PTPRN2: variants seen among roughly 807,000 people sequenced by gnomAD.
PTPRN2 encodes the protein receptor-type tyrosine-protein phosphatase N2.
PTPRN2 carries 74 observed loss-of-function variants against 118.8 expected under a neutral mutation model. The observed-to-expected ratio is 0.62, with a 90% confidence interval of 0.52 to 0.76. PTPRN2 has a LOEUF of 0.76. Ranked by LOEUF, PTPRN2 falls within the 30% of genes least tolerant of loss-of-function variation. The probability of loss-of-function intolerance (pLI) is 0.00; values close to 1 mark genes in which losing one functional copy is unlikely to be tolerated. For missense variants in PTPRN2, 1,481 were observed against 1,394.4 expected, an observed-to-expected ratio of 1.06 and a Z score of -0.99; for synonymous variants, 641 against 608.0, an observed-to-expected ratio of 1.05 and a Z score of -0.80.
intron 9 of PTPRN2, among the ~76,000 whole-genome samples, chr7:158,113,161 C>T (rs1816435049): frequency 6.6e-6 from 1 of 152,124 alleles, no homozygotes; most frequent in Non-Finnish European, 1.5e-5. Context: ...AGGGCCGGGC[C>T]TCAGATTGGT....
At chr7:158,511,505 G>A (rs927429954) in intron 1 of PTPRN2, among the ~76,000 whole-genome samples, 1 of 152,154 alleles carries the variant, frequency 6.6e-6, no homozygotes, top group Non-Finnish European at 1.5e-5. Context: ...GTCCCAACAC[G>A]AAAAAGGAGG....
At chr7:157,946,441 T>A (rs1310760482) in intron 11 of PTPRN2, among the ~76,000 whole-genome samples, 1 of 152,222 alleles carries the variant, frequency 6.6e-6, no homozygotes, top group African/African-American at 2.4e-5. Flanking sequence ...CCTATTTTTG[T>A]CCCAAAATAA....
intron 15 of PTPRN2, chr7:157,614,124 C>T (rs765789536): frequency 1.2e-5 from 5 of 404,240 alleles, no homozygotes; most frequent in East Asian, 7.8e-5. Flanking sequence ...AAAAGGAGGA[C>T]GGAGAGGAGG....
At chr7:158,444,624 G>C (rs977706336) in intron 2 of PTPRN2, among the ~76,000 whole-genome samples, 1 of 152,206 alleles carries the variant, frequency 6.6e-6, no homozygotes, top group Non-Finnish European at 1.5e-5. Flanking sequence ...TGAAAAGCAA[G>C]TGAAAGCCTC....
At chr7:158,200,474 G>T (rs1262055124) in intron 4 of PTPRN2, among the ~76,000 whole-genome samples, 1 of 152,108 alleles carries the variant, frequency 6.6e-6, no homozygotes, top group Non-Finnish European at 1.5e-5. Flanking sequence ...TTTTGTCTGA[G>T]AAATTTCAGA....
chr7:158,225,629 G>A (rs1828711029), intron 3 of PTPRN2, among the ~76,000 whole-genome samples: 3 of 152,154 alleles, frequency 2.0e-5, no homozygotes, highest in Admixed American at 2.0e-4. Context: ...GATCCAAGTT[G>A]GAGTGCAATC....
At chr7:157,839,971 T>C (rs111162904) in intron 12 of PTPRN2, among the ~76,000 whole-genome samples, 5,231 of 151,186 alleles carry the variant, frequency 0.035, 218 homozygotes, top group South Asian at 0.12. Flanking sequence ...CGTGTGACTG[T>C]GTGACCACAT....
intron 2 of PTPRN2, among the ~76,000 whole-genome samples, chr7:158,462,033 G>A (rs887876808): frequency 8.5e-5 from 13 of 152,278 alleles, no homozygotes; most frequent in Non-Finnish European, 1.3e-4. Context: ...GCTTCGGTTC[G>A]TACTTCTCCT....
intron 12 of PTPRN2, among the ~76,000 whole-genome samples, chr7:157,759,770 C>T (rs573934835): frequency 6.6e-5 from 10 of 152,322 alleles, no homozygotes; most frequent in East Asian, 1.9e-4. Flanking sequence ...GCCTGGGCAG[C>T]GATTATAATG....
chr7:158,239,469 T>C (rs1328019968), intron 3 of PTPRN2, among the ~76,000 whole-genome samples: 1 of 152,166 alleles, frequency 6.6e-6, no homozygotes, highest in Admixed American at 6.5e-5. Flanking sequence ...GGGCAAACTA[T>C]TCAAAGTCCC....
intron 16 of PTPRN2, among the ~76,000 whole-genome samples, chr7:157,602,990 C>T (rs575399211): frequency 6.6e-6 from 1 of 152,316 alleles, no homozygotes; most frequent in Admixed American, 6.5e-5. Context: ...CTCATCCTTC[C>T]CTGAAGACCA....
chr7:158,488,483 C>T (rs546987816), intron 2 of PTPRN2, among the ~76,000 whole-genome samples: 1 of 152,180 alleles, frequency 6.6e-6, no homozygotes, highest in Non-Finnish European at 1.5e-5. Flanking sequence ...CACAGAGGTG[C>T]CCCCAGCCCC....
chr7:158,331,765 T>G, intron 2 of PTPRN2, among the ~76,000 whole-genome samples: 1 of 149,976 alleles, frequency 6.7e-6, no homozygotes, highest in African/African-American at 2.5e-5. Context: ...ACTCACACTC[T>G]CACCATAAGA....
intron 6 of PTPRN2, among the ~76,000 whole-genome samples, chr7:158,139,890 C>A (rs951533568): frequency 5.9e-5 from 9 of 152,080 alleles, no homozygotes; most frequent in African/African-American, 2.2e-4. Context: ...TATCCAATGA[C>A]AATATCCTTC....
chr7:158,163,799 C>T (rs1422785898), intron 6 of PTPRN2, among the ~76,000 whole-genome samples: 1 of 151,688 alleles, frequency 6.6e-6, no homozygotes, highest in East Asian at 1.9e-4. Context: ...ATAGGTGACG[C>T]CTGTACGGGG....
At chr7:158,094,333 G>A (rs543876354) in intron 10 of PTPRN2, among the ~76,000 whole-genome samples, 6 of 152,128 alleles carry the variant, frequency 3.9e-5, no homozygotes, top group South Asian at 2.1e-4. Flanking sequence ...GTTTTCAGAC[G>A]GAGTCTCGCA....
chr7:157,751,313 G>A (rs1185644316), intron 12 of PTPRN2, among the ~76,000 whole-genome samples: 4 of 152,338 alleles, frequency 2.6e-5, no homozygotes, highest in South Asian at 4.1e-4. Flanking sequence ...TGGGGTCAGC[G>A]AGGGAGAGCA....
intron 11 of PTPRN2, among the ~76,000 whole-genome samples, chr7:158,063,262 T>C (rs1365518927): frequency 6.6e-6 from 1 of 151,816 alleles, no homozygotes; most frequent in African/African-American, 2.4e-5. Context: ...ATCAGCACTC[T>C]TGTGTCTAGC....
chr7:158,442,229 T>A (rs186702026), intron 2 of PTPRN2, among the ~76,000 whole-genome samples: 1 of 151,954 alleles, frequency 6.6e-6, no homozygotes, highest in South Asian at 2.1e-4. Flanking sequence ...AGCAAGGAAA[T>A]CATTCTCTGA....
Sources: allele counts gnomAD v4.1 joint callset (sites outside exome capture counted in the v4.1 genomes callset), GRCh38; gene constraint gnomAD v4.1.1; transcripts MANE v1.5; gene names NCBI Gene and HGNC (gene_info 2026-07-23, HGNC 2026-07-21).